ABLIM1: variants seen among roughly 807,000 people sequenced by gnomAD.
ABLIM1 encodes the protein actin binding LIM protein 1.
ABLIM1 carries 40 observed loss-of-function variants against 107.0 expected under a neutral mutation model. The ratio of observed to expected loss-of-function variants is 0.37; its 90% confidence interval spans 0.29 to 0.49. The LOEUF (loss-of-function observed/expected upper bound fraction) is 0.49. ABLIM1 is among the 20% of genes least tolerant of loss of function. The probability of loss-of-function intolerance (pLI) is 0.97; values close to 1 mark genes in which losing one functional copy is unlikely to be tolerated. For missense variants in ABLIM1, 857 were observed against 1,008.5 expected (o/e 0.85, Z 2.04); for synonymous variants, 357 against 357.3 (o/e 1.00, Z 0.01).
chr10:114,541,481 C>T (rs971637130), intron 6 of ABLIM1, among the ~76,000 whole-genome samples: 1 of 151,890 alleles, frequency 6.6e-6, no homozygotes, highest in African/African-American at 2.4e-5. Flanking sequence ...CATGAGAGGC[C>T]GAGGGAGGAG....
upstream of ABLIM1, among the ~76,000 whole-genome samples, chr10:114,659,624 TA>T (rs1465118733): frequency 6.6e-6 from 1 of 152,242 alleles, no homozygotes; most frequent in Non-Finnish European, 1.5e-5. Context: ...CTTTAAGTTC[TA>T]GGATACATGT....
rs181666296 is a variant in ABLIM1 at position 114,518,703 on chromosome 10, T to C, written c.894+26302A>G. Among the ~76,000 whole-genome samples, 632 of 151,938 alleles carry C rather than the reference T, an allele frequency of 4.2e-3. 4 individuals are homozygous for C. The highest frequency in any genetic ancestry group is 0.015 in the African/African-American group (602 of 41,514). ...ATACGTAGCTGAGACAGAGACAGCA[T>C]AGTCCACAAGGCTGAAAATATGTAC... On this transcript the variant is annotated intron_variant, in intron 6 of 22. Transcript: ENST00000533213.
At chr10:114,678,508 CTG>C (rs2080594577) in intron 1 of ABLIM1, among the ~76,000 whole-genome samples, 1 of 152,174 alleles carries the variant, frequency 6.6e-6, no homozygotes, top group African/African-American at 2.4e-5. Context: ...TGCCTGCTGC[CTG>C]TGTTTGTAAA....
At chr10:114,528,125 T>C (rs999940650) in intron 6 of ABLIM1, among the ~76,000 whole-genome samples, 3 of 152,040 alleles carry the variant, frequency 2.0e-5, no homozygotes, top group African/African-American at 7.2e-5. Context: ...CGTGAGCCAC[T>C]GCGCCCGGCA....
At chr10:114,716,119 T>C (rs940952489) in intron 1 of ABLIM1, among the ~76,000 whole-genome samples, 2 of 152,202 alleles carry the variant, frequency 1.3e-5, no homozygotes, top group Non-Finnish European at 2.9e-5. Flanking sequence ...TCTCTGGCAC[T>C]CTGAGAAACA....
At chr10:114,547,262 CA>C (rs1452945234) in intron 5 of ABLIM1, among the ~76,000 whole-genome samples, 2 of 152,068 alleles carry the variant, frequency 1.3e-5, no homozygotes, top group Non-Finnish European at 2.9e-5. Flanking sequence ...AAAAGGCCCA[CA>C]ACCTAGGCTT....
At chr10:114,508,052 C>T (rs867332732) in intron 6 of ABLIM1, among the ~76,000 whole-genome samples, 1 of 152,242 alleles carries the variant, frequency 6.6e-6, no homozygotes, top group African/African-American at 2.4e-5. Flanking sequence ...AGGCTTCCAT[C>T]CCCGTTGCTC....
At chr10:114,487,763 T>C (rs2058391406) in intron 8 of ABLIM1, among the ~76,000 whole-genome samples, 195 bp downstream of exon 8, 1 of 152,172 alleles carries the variant, frequency 6.6e-6, no homozygotes, top group South Asian at 2.1e-4. Context: ...ACACAAGCAT[T>C]TGGAATAAAA....
At chr10:114,669,855 T>G (rs566511644) in intron 1 of ABLIM1, among the ~76,000 whole-genome samples, 5 of 152,166 alleles carry the variant, frequency 3.3e-5, no homozygotes, top group African/African-American at 4.8e-5. Context: ...TATTTATTTT[T>G]GGGGAGGAGA....
At chr10:114,716,860 A>T (rs1591875227) in intron 1 of ABLIM1, among the ~76,000 whole-genome samples, 1 of 149,240 alleles carries the variant, frequency 6.7e-6, no homozygotes, top group African/African-American at 2.5e-5. Context: ...AAAAAAAAAA[A>T]AGCAGAAGAG....
At chr10:114,584,248 G>A (rs1309438184) in intron 2 of ABLIM1, among the ~76,000 whole-genome samples, 1 of 152,118 alleles carries the variant, frequency 6.6e-6, no homozygotes, top group Non-Finnish European at 1.5e-5. Context: ...CAAACGCAGG[G>A]TACAGAACTC....
intron 6 of ABLIM1, among the ~76,000 whole-genome samples, chr10:114,503,289 A>G: frequency 6.6e-6 from 1 of 152,048 alleles, no homozygotes; most frequent in Middle Eastern, 3.2e-3. Flanking sequence ...CATCTCTATA[A>G]AAAATACAAA....
At chr10:114,791,850 A>G in the ABLIM1 span, among the ~76,000 whole-genome samples, 2 of 152,202 alleles carry the variant, frequency 1.3e-5, no homozygotes, top group East Asian at 3.9e-4. Context: ...AACTTGAGAG[A>G]TAGTAAAATT....
upstream of ABLIM1, among the ~76,000 whole-genome samples, chr10:114,686,145 C>T (rs1156951894): frequency 6.6e-6 from 1 of 152,114 alleles, no homozygotes; most frequent in Non-Finnish European, 1.5e-5. Context: ...TAAAGTGATT[C>T]TTTCCTAATC....
At chr10:114,437,323 T>TTTC (rs1304219092) in intron 22 of ABLIM1, among the ~76,000 whole-genome samples, 5 of 142,632 alleles carry the variant, frequency 3.5e-5, no homozygotes, top group African/African-American at 1.3e-4. Context: ...CTTTCTTTCT[T>TTTC]TTTTTTTTTT....
At chr10:114,463,249 C>T (rs1472213787) in intron 12 of ABLIM1, 2 of 1,173,100 alleles carry the variant, frequency 1.7e-6, no homozygotes, top group African/African-American at 1.6e-5. Flanking sequence ...AAAGTGCCAT[C>T]GTTCCAAGGG....
At chr10:114,764,749 C>T (rs545898790) in intron 1 of ABLIM1, 1 of 152,366 alleles carries the variant, frequency 6.6e-6, no homozygotes, top group South Asian at 2.1e-4. Context: ...CAGTGTTCTC[C>T]CCAAGAGGAT....
At chr10:114,634,903 T>C (rs2078402534) in intron 1 of ABLIM1, among the ~76,000 whole-genome samples, 1 of 152,260 alleles carries the variant, frequency 6.6e-6, no homozygotes, top group South Asian at 2.1e-4. Context: ...CAAATTGTTT[T>C]TGCCTCTTTG....
At chr10:114,456,978 G>A (rs1170306207) in intron 12 of ABLIM1, among the ~76,000 whole-genome samples, 2 of 150,262 alleles carry the variant, frequency 1.3e-5, no homozygotes, top group African/African-American at 4.9e-5. Context: ...TTTGTAAGCA[G>A]ATGTAACTAT....
Sources: gnomAD v4.1 joint callset for allele counts (sites outside exome capture counted in the v4.1 genomes callset) on GRCh38, gnomAD v4.1.1 for gene constraint, MANE v1.5 for transcripts, NCBI Gene and HGNC (gene_info 2026-07-23, HGNC 2026-07-21) for gene names.